The following AGPAT3 variants were observed in gnomAD, a reference collection of about 807,000 sequenced individuals.
The protein encoded by AGPAT3 is 1-acyl-sn-glycerol-3-phosphate acyltransferase gamma.
A neutral mutation model predicts 47.3 loss-of-function variants in AGPAT3; 5 were observed. The ratio of observed to expected loss-of-function variants is 0.11; its 90% confidence interval spans 0.06 to 0.22. AGPAT3 has a LOEUF of 0.22. Ranked by LOEUF, AGPAT3 falls within the 10% of genes least tolerant of loss-of-function variation. The pLI, the probability that AGPAT3 is intolerant of heterozygous loss-of-function variation, is 1.00. For synonymous variants in AGPAT3, 212 were observed against 208.3 expected (o/e 1.02, Z -0.15); for missense variants, 315 against 493.0 (o/e 0.64, Z 3.42).
At chr21:43,928,364 G>A (rs750771652) in intron 2 of AGPAT3, among the ~76,000 whole-genome samples, 5 of 152,232 alleles carry the variant, frequency 3.3e-5, no homozygotes, top group Non-Finnish European at 5.9e-5. Context: ...GGCAAGCCCC[G>A]TCATTCCGGG....
intron 7 of AGPAT3, among the ~76,000 whole-genome samples, chr21:43,977,632 C>A (rs2089667225): frequency 6.6e-6 from 1 of 152,162 alleles, no homozygotes; most frequent in South Asian, 2.1e-4. Flanking sequence ...AATCCCAGCA[C>A]TTTGGGAGGC....
rs550379770 is a variant in AGPAT3 at position 43,986,174 on chromosome 21, G to T, written c.*3782G>T. ...AGATGTCACACTGATCTGCTGGAGT[G>T]GGGTGGACACATGAATTCAGTTTTA... On this transcript the variant is annotated 3_prime_UTR_variant, in exon 10 of 10. Transcript: ENST00000291572. 6.6e-6 allele frequency: 1 copy of T among 152,266 alleles called. No homozygotes were observed. The highest frequency in any genetic ancestry group is 1.5e-5 in the Non-Finnish European group (1 of 68,056). 9.4% of individuals were successfully genotyped at this position (152,266 alleles called of 1,614,324 possible).
At chr21:43,870,097 T>TAA (rs2085590842) in intron 1 of AGPAT3, among the ~76,000 whole-genome samples, 1 of 152,054 alleles carries the variant, frequency 6.6e-6, no homozygotes. Context: ...CGGGCGGGAT[T>TAA]TTGGATTAGT....
At chr21:43,971,585 C>A (rs549628824) in intron 7 of AGPAT3, 95 bp downstream of exon 7, 8 of 1,129,728 alleles carry the variant, frequency 7.1e-6, no homozygotes, top group African/African-American at 6.1e-5. Context: ...CCAGGCCCCA[C>A]GTCCCACAGC....
chr21:43,937,854 A>G (rs191471616), intron 2 of AGPAT3, among the ~76,000 whole-genome samples: 225 of 152,302 alleles, frequency 1.5e-3, no homozygotes, highest in Non-Finnish European at 1.6e-3. Flanking sequence ...ATGAAACCAG[A>G]TGACTTCTGC....
At position 43,922,670 on chromosome 21, in the gene AGPAT3, G is replaced by A. The variant is rs563239313; in HGVS notation, c.-49+18651G>A. ...CCTGCTCTGTGGGAAACAACAGTGT[G>A]CTCTGGGCTTCCATGGGGTCTCCCA... On this transcript the variant is annotated intron_variant, in intron 2 of 9. Transcript: ENST00000291572. This position sits in a 1 kb window ranked among gnomAD's most constrained non-coding sequence, Gnocchi z 4.9. Among the ~76,000 whole-genome samples the A allele has an allele frequency of 3.3e-5, 5 of 152,294 alleles. No homozygotes were observed. The highest frequency in any genetic ancestry group is 2.1e-4 in the South Asian group (1 of 4,832).
At chr21:43,943,993 C>T (rs1180654418) in intron 2 of AGPAT3, among the ~76,000 whole-genome samples, 1 of 152,216 alleles carries the variant, frequency 6.6e-6, no homozygotes, top group Non-Finnish European at 1.5e-5. Context: ...CATGAGGCTG[C>T]CTCGGGAAGC....
chr21:43,895,601 AAT>A (rs2086198310), intron 1 of AGPAT3, among the ~76,000 whole-genome samples: 1 of 150,218 alleles, frequency 6.7e-6, no homozygotes, highest in African/African-American at 2.4e-5. Flanking sequence ...TTTAAAAAAA[AAT>A]TTTTTTTTGA....
Position 43,977,997 on chromosome 21 carries a change from T to C in AGPAT3, c.768-49T>C, listed in dbSNP as rs185001278. On this transcript the variant is annotated intron_variant, in intron 7 of 9. Transcript: ENST00000291572. ...GTTCCCCTGTGCCCTCTTTCTAGTG[T>C]GAGGTCATGTGGTGATTCACCCTAC... is the stretch of plus-strand genomic sequence containing the variant. The C allele has an allele frequency of 1.2e-5, 18 of 1,510,566 alleles. No homozygotes were observed. The Admixed American group carries it at 2.9e-4, about 25-fold the overall frequency. The allele number at this position is 1,510,566 out of a possible 1,614,324, so 93.6% of individuals were successfully genotyped here. A position where few individuals can be genotyped will look rare whatever the true frequency, so the allele number is the denominator to read the frequency against.
chr21:43,894,325 AT>A (rs1167539075), intron 1 of AGPAT3, among the ~76,000 whole-genome samples: 11 of 148,742 alleles, frequency 7.4e-5, no homozygotes, highest in Admixed American at 7.4e-4. Flanking sequence ...TAGCATGATC[AT>A]TTTTTTGGTG....
chr21:43,987,445 C>T lies in AGPAT3; in HGVS notation c.*5053C>T, dbSNP rs752334870. Among the ~76,000 whole-genome samples the T allele has an allele frequency of 2.6e-5, 4 of 152,140 alleles. No individual in the cohort carries two copies. Among genetic ancestry groups the T allele is most frequent in the Non-Finnish European group, 4.4e-5 (3 of 68,012 alleles). Reference sequence around the variant, plus strand: ...GATGTCCAAAAAAGGGTTTTAAAAGCGATCAAGGACAAAAGGTTTTCCTAA... The same window carrying T: ...GATGTCCAAAAAAGGGTTTTAAAAGTGATCAAGGACAAAAGGTTTTCCTAA... On this transcript the variant is annotated 3_prime_UTR_variant, in exon 10 of 10. Coordinates refer to ENST00000291572, the MANE Select transcript of AGPAT3 (RefSeq NM_020132.5).
chr21:43,935,909 C>T (rs1357388483), intron 2 of AGPAT3, among the ~76,000 whole-genome samples: 2 of 152,184 alleles, frequency 1.3e-5, no homozygotes, highest in African/African-American at 4.8e-5. Flanking sequence ...TCCAGGTGCG[C>T]TAAGCAAACA....
intron 1 of AGPAT3, among the ~76,000 whole-genome samples, chr21:43,891,565 G>A (rs2086103277): frequency 6.6e-6 from 1 of 151,972 alleles, no homozygotes; most frequent in Non-Finnish European, 1.5e-5. Context: ...CCCGGGAGGT[G>A]GAGTTTGCAG....
At chr21:43,967,661 C>T in intron 3 of AGPAT3, 1 of 385,298 alleles carries the variant, frequency 2.6e-6, no homozygotes, top group Non-Finnish European at 4.7e-6. Flanking sequence ...TCGGCCACAC[C>T]AAGGTGCACG....
chr21:43,971,057 A>G (rs1239030032), intron 6 of AGPAT3, among the ~76,000 whole-genome samples: 1 of 152,244 alleles, frequency 6.6e-6, no homozygotes, highest in African/African-American at 2.4e-5. Flanking sequence ...GAAAATAATC[A>G]TTATTGTATC....
intron 1 of AGPAT3, among the ~76,000 whole-genome samples, chr21:43,886,419 A>AT (rs773533227): frequency 6.6e-5 from 10 of 151,738 alleles, no homozygotes; most frequent in Non-Finnish European, 1.2e-4. Flanking sequence ...ATGCCTGGCT[A>AT]TTTTTTGTAT....
In AGPAT3 at chr21:43,932,538, T is replaced by G. The variant is rs2087288483; in HGVS notation, c.-48-27096T>G. ...GGGCACCTGGGCTGCCTCCATCGTG[T>G]GGCTGTTGGGGGTGATGCTGCAGTG... On this transcript the variant is annotated intron_variant, in intron 2 of 9. Transcript: ENST00000291572. The surrounding 1 kb of genome is among the most constrained non-coding windows in gnomAD (Gnocchi z 5.2). Among the ~76,000 whole-genome samples the G allele has an allele frequency of 2.0e-5, 3 of 152,228 alleles. No homozygotes were observed. In the South Asian group the frequency reaches 6.2e-4, roughly 31 times the overall value.
At chr21:43,911,544 A>G (rs2086634153) in intron 2 of AGPAT3, among the ~76,000 whole-genome samples, 1 of 152,192 alleles carries the variant, frequency 6.6e-6, no homozygotes, top group Admixed American at 6.5e-5. Flanking sequence ...TGGAAGGCAG[A>G]CTTTGCCTCC....
rs1042292683 is a variant in AGPAT3, at chr21:43,934,128, A to G, written c.-48-25506A>G. ...AGGTTTTGAGACCTGGATGCTGGAG[A>G]ACAGGCAGACATGGGTGCCCGGCAC... On this transcript the variant is annotated intron_variant, in intron 2 of 9. Coordinates refer to ENST00000291572, the MANE Select transcript of AGPAT3 (RefSeq NM_020132.5). The surrounding 1 kb of genome is among the most constrained non-coding windows in gnomAD (Gnocchi z 4.7). Among the ~76,000 whole-genome samples the G allele has an allele frequency of 1.3e-5, 2 of 152,168 alleles. No homozygotes were observed. The highest frequency in any genetic ancestry group is 4.8e-5 in the African/African-American group (2 of 41,424).
Sources: gnomAD v4.1 joint callset for allele counts (sites outside exome capture counted in the v4.1 genomes callset) on GRCh38, gnomAD v4.1.1 for gene constraint, Gnocchi (gnomAD v3.1) non-coding constraint, MANE v1.5 for transcripts, NCBI Gene and HGNC (gene_info 2026-07-23, HGNC 2026-07-21) for gene names.